Variants in WWOX observed in about 807,000 individuals in gnomAD.
The protein encoded by WWOX is WW domain-containing oxidoreductase.
In WWOX, 69 loss-of-function variants were observed where a neutral mutation model predicts 46.2. The ratio of observed to expected loss-of-function variants is 1.49; its 90% CI spans 1.23 to 1.82. The LOEUF is 1.82. WWOX is among the 40% of genes most tolerant of loss of function. The probability of loss-of-function intolerance (pLI) is 0.00; values close to 1 mark genes in which losing one functional copy is unlikely to be tolerated. For synonymous variants in WWOX, 359 were observed against 202.6 expected, an observed-to-expected ratio of 1.77 and a Z score of -6.56; for missense variants, 919 against 542.6, an observed-to-expected ratio of 1.69 and a Z score of -6.89.
At chr16:78,233,122 T>C (rs1023881679) in intron 5 of WWOX, among the ~76,000 whole-genome samples, 2 of 152,252 alleles carry the variant, frequency 1.3e-5, no homozygotes, top group Admixed American at 6.5e-5. Flanking sequence ...ATGATCACTT[T>C]AGCTGAAACC....
At chr16:78,940,519 A>G (rs1423740748) in intron 8 of WWOX, among the ~76,000 whole-genome samples, 1 of 152,086 alleles carries the variant, frequency 6.6e-6, no homozygotes, top group Non-Finnish European at 1.5e-5. Context: ...TTTTTACATC[A>G]TTTCCATCGA....
chr16:78,258,510 T>C (rs2038189399), intron 5 of WWOX, among the ~76,000 whole-genome samples: 1 of 152,088 alleles, frequency 6.6e-6, no homozygotes, highest in Non-Finnish European at 1.5e-5. Context: ...ATGGTGTGTC[T>C]GCCAGGGCTC....
At chr16:78,676,796 G>T (rs1052421544) in intron 8 of WWOX, among the ~76,000 whole-genome samples, 1 of 152,050 alleles carries the variant, frequency 6.6e-6, no homozygotes, top group Admixed American at 6.5e-5. Flanking sequence ...CTCATTCTTT[G>T]AATACTGATG....
At chr16:78,964,625 C>T (rs571512081) in intron 8 of WWOX, among the ~76,000 whole-genome samples, 1 of 152,328 alleles carries the variant, frequency 6.6e-6, no homozygotes, top group South Asian at 2.1e-4. Context: ...AACCCATTTT[C>T]TGGGGAGAAA....
chr16:78,915,915 C>T (rs566697485), intron 8 of WWOX, among the ~76,000 whole-genome samples: 6 of 152,306 alleles, frequency 3.9e-5, no homozygotes, highest in Admixed American at 1.3e-4. Flanking sequence ...TTTGCTATTT[C>T]TTCACACACA....
At chr16:78,875,794 A>G (rs958519810) in intron 8 of WWOX, among the ~76,000 whole-genome samples, 1 of 152,146 alleles carries the variant, frequency 6.6e-6, no homozygotes, top group African/African-American at 2.4e-5. Flanking sequence ...TAATCCTACA[A>G]TTGGTGACAC....
At chr16:78,683,427 C>G (rs1433427418) in intron 8 of WWOX, among the ~76,000 whole-genome samples, 1 of 151,848 alleles carries the variant, frequency 6.6e-6, no homozygotes, top group Non-Finnish European at 1.5e-5. Context: ...GTAATCCCAG[C>G]TACTCTGGAG....
At chr16:78,533,861 A>G (rs555685275) in intron 8 of WWOX, among the ~76,000 whole-genome samples, 27 of 152,058 alleles carry the variant, frequency 1.8e-4, no homozygotes, top group South Asian at 8.3e-4. Flanking sequence ...TTCCATCTCT[A>G]TCATCTCTGT....
At chr16:79,198,072 C>T (rs1052116894) in intron 8 of WWOX, among the ~76,000 whole-genome samples, 1 of 152,108 alleles carries the variant, frequency 6.6e-6, no homozygotes, top group Non-Finnish European at 1.5e-5. Context: ...TGCCTATAAT[C>T]CCAGCACTTG....
At chr16:78,364,520 C>G (rs1156259746) in intron 5 of WWOX, among the ~76,000 whole-genome samples, 1 of 151,674 alleles carries the variant, frequency 6.6e-6, no homozygotes, top group Non-Finnish European at 1.5e-5. Flanking sequence ...TTTGTTTTCT[C>G]CCTGCAACAA....
chr16:78,826,204 G>C (rs1193267428), intron 8 of WWOX, among the ~76,000 whole-genome samples: 1 of 152,126 alleles, frequency 6.6e-6, no homozygotes, highest in Non-Finnish European at 1.5e-5. Flanking sequence ...AAAATACAAA[G>C]ATTAGCCTGG....
At chr16:78,144,448 C>CATATATATATAT (rs1447794716) in intron 4 of WWOX, among the ~76,000 whole-genome samples, 2 of 17,580 alleles carry the variant, frequency 1.1e-4, no homozygotes, top group Non-Finnish European at 2.4e-4. Context: ...TATATATATA[C>CATATATATATAT]ACATATATAT....
chr16:78,937,376 ATG>A (rs1301446462), intron 8 of WWOX, among the ~76,000 whole-genome samples: 1 of 145,012 alleles, frequency 6.9e-6, no homozygotes, highest in Non-Finnish European at 1.5e-5. Flanking sequence ...TTCTTTGAGT[ATG>A]TGTTTTCTAT....
chr16:78,864,674 A>C (rs1343745246), intron 8 of WWOX, among the ~76,000 whole-genome samples: 1 of 151,028 alleles, frequency 6.6e-6, no homozygotes, highest in African/African-American at 2.4e-5. Context: ...CCCTGTTAGC[A>C]CAGGGTCTGA....
At chr16:78,499,593 C>T (rs2085008019) in intron 8 of WWOX, among the ~76,000 whole-genome samples, 2 of 152,318 alleles carry the variant, frequency 1.3e-5, no homozygotes, top group South Asian at 4.1e-4. Flanking sequence ...GGCCCAGGGC[C>T]CCTTTGCCGG....
intron 8 of WWOX, among the ~76,000 whole-genome samples, chr16:78,851,740 CT>C (rs1567604021): frequency 6.6e-6 from 1 of 152,172 alleles, no homozygotes; most frequent in African/African-American, 2.4e-5. Flanking sequence ...TGGACCTCCC[CT>C]AAATTTTGTG....
chr16:78,711,797 G>A (rs2048449811), intron 8 of WWOX, among the ~76,000 whole-genome samples: 2 of 152,060 alleles, frequency 1.3e-5, no homozygotes, highest in Admixed American at 6.6e-5. Flanking sequence ...CCTTCTCAAA[G>A]CCTCCTGCAC....
chr16:78,714,477 T>C (rs563473804), intron 8 of WWOX, among the ~76,000 whole-genome samples: 2 of 151,844 alleles, frequency 1.3e-5, no homozygotes, highest in Non-Finnish European at 2.9e-5. Flanking sequence ...CCTCCCATGA[T>C]ACGTGGGGAT....
At chr16:78,162,974 AT>A in intron 4 of WWOX, among the ~76,000 whole-genome samples, 1 of 151,948 alleles carries the variant, frequency 6.6e-6, no homozygotes, top group East Asian at 1.9e-4. Flanking sequence ...ATTGTTTCTA[AT>A]TCCCTGGCAA....
Sources: gnomAD v4.1 joint callset for allele counts (sites outside exome capture counted in the v4.1 genomes callset) on GRCh38, gnomAD v4.1.1 for gene constraint, MANE v1.5 for transcripts, NCBI Gene and HGNC (gene_info 2026-07-23, HGNC 2026-07-21) for gene names.